Variants in OLFM3 observed in about 807,000 individuals in gnomAD.
The protein encoded by OLFM3 is noelin-3.
Under a neutral mutation model 48.6 loss-of-function variants are expected in OLFM3, and 20 were observed. That is an observed-to-expected ratio of 0.41 (90% CI 0.29 to 0.60). The LOEUF (loss-of-function observed/expected upper bound fraction) is 0.60, where lower values mean the gene tolerates loss of function less well. Among genes scored for constraint, OLFM3 ranks in the 20% least tolerant of loss-of-function variants. The pLI is 0.28. For synonymous variants in OLFM3, 222 were observed against 198.1 expected (o/e 1.12, Z -1.01); for missense variants, 437 against 544.3 (o/e 0.80, Z 1.96).
At chr1:101,948,603 C>T (rs1014391141) in intron 1 of OLFM3, among the ~76,000 whole-genome samples, 4 of 152,028 alleles carry the variant, frequency 2.6e-5, no homozygotes, top group South Asian at 2.1e-4. Flanking sequence ...TCAATGTTCA[C>T]ATTTCACTTT....
intron 1 of OLFM3, among the ~76,000 whole-genome samples, chr1:101,872,979 AG>A (rs1657144296): frequency 6.6e-6 from 1 of 151,996 alleles, no homozygotes; most frequent in African/African-American, 2.4e-5. Flanking sequence ...GACATTTAAA[AG>A]CGGACATCAG....
chr1:101,995,874 C>T (rs527354365), intron 1 of OLFM3, among the ~76,000 whole-genome samples: 18 of 152,270 alleles, frequency 1.2e-4, no homozygotes, highest in Non-Finnish European at 2.2e-4. Flanking sequence ...GGTGGCTTAT[C>T]TCTTATTCCC....
intron 1 of OLFM3, among the ~76,000 whole-genome samples, chr1:101,914,310 C>T (rs921468147): frequency 2.6e-5 from 4 of 152,118 alleles, no homozygotes; most frequent in Non-Finnish European, 5.9e-5. Context: ...TTTCTTAGGG[C>T]TTACCACATT....
intron 2 of OLFM3, among the ~76,000 whole-genome samples, chr1:101,833,224 C>T (rs1301158652): frequency 6.6e-6 from 1 of 152,188 alleles, no homozygotes; most frequent in Non-Finnish European, 1.5e-5. Context: ...CAGGAAAATG[C>T]ACTGAGATAA....
At chr1:101,810,523 C>A (rs1300487899) in intron 4 of OLFM3, among the ~76,000 whole-genome samples, 1 of 151,892 alleles carries the variant, frequency 6.6e-6, no homozygotes, top group Non-Finnish European at 1.5e-5. Flanking sequence ...GAAATAGCTG[C>A]AAAAATTTAG....
rs932549036 is a variant in OLFM3, at chr1:101,803,348, A to C, written c.*890T>G. 4 of 152,098 alleles carry C rather than the reference A, an allele frequency of 2.6e-5. No homozygotes were observed. Among genetic ancestry groups the C allele is most frequent in the African/African-American group, 9.7e-5 (4 of 41,396 alleles). 9.4% of individuals were successfully genotyped at this position (152,098 alleles called of 1,614,324 possible). ...AATCCAATATTTGGAATCCAGATGC[A>C]CCTTGTGCAAGAAACTATATGGGTT... On this transcript the variant is annotated 3_prime_UTR_variant, in exon 6 of 6. Coordinates refer to ENST00000370103, the MANE Select transcript of OLFM3 (RefSeq NM_058170.4).
At chr1:101,924,970 A>C (rs908701060) in intron 1 of OLFM3, among the ~76,000 whole-genome samples, 1 of 152,212 alleles carries the variant, frequency 6.6e-6, no homozygotes, top group Non-Finnish European at 1.5e-5. Context: ...TGTGGATCAC[A>C]GGGGAATGAA....
intron 1 of OLFM3, 55 bp downstream of exon 1, chr1:101,996,693 G>C: frequency 1.3e-6 from 2 of 1,557,898 alleles, no homozygotes; most frequent in Non-Finnish European, 1.8e-6. Context: ...ATTTCTGTTA[G>C]GTTTGTTACA....
At chr1:101,966,669 G>T (rs1359797619) in intron 1 of OLFM3, among the ~76,000 whole-genome samples, 1 of 152,132 alleles carries the variant, frequency 6.6e-6, no homozygotes, top group Admixed American at 6.6e-5. Context: ...CAATCAGTTA[G>T]AGCTAGGGAA....
intron 1 of OLFM3, among the ~76,000 whole-genome samples, chr1:101,925,989 A>T (rs189968582): frequency 6.6e-6 from 1 of 152,300 alleles, no homozygotes; most frequent in East Asian, 1.9e-4. Flanking sequence ...GAGAACTCTG[A>T]CATGAGTGTC....
intron 1 of OLFM3, among the ~76,000 whole-genome samples, chr1:101,917,652 A>T (rs1658969721): frequency 6.6e-6 from 1 of 152,158 alleles, no homozygotes; most frequent in South Asian, 2.1e-4. Flanking sequence ...CCTGACCTCA[A>T]GTGATCCACG....
intron 1 of OLFM3, among the ~76,000 whole-genome samples, chr1:101,961,494 TAA>T (rs1660467641): frequency 4.6e-5 from 7 of 152,022 alleles, no homozygotes; most frequent in Admixed American, 4.6e-4. Context: ...TAAAAATATT[TAA>T]GTCTAGTAAA....
At chr1:101,914,483 A>C (rs895863350) in intron 1 of OLFM3, among the ~76,000 whole-genome samples, 1 of 152,178 alleles carries the variant, frequency 6.6e-6, no homozygotes, top group Non-Finnish European at 1.5e-5. Context: ...CTGAGTCCCA[A>C]ATTCAGAGCT....
At chr1:101,947,260 G>C (rs960339418) in intron 1 of OLFM3, among the ~76,000 whole-genome samples, 1 of 152,122 alleles carries the variant, frequency 6.6e-6, no homozygotes, top group Non-Finnish European at 1.5e-5. Flanking sequence ...TTCACTCTAT[G>C]ATTTGAATTT....
intron 1 of OLFM3, among the ~76,000 whole-genome samples, chr1:101,889,726 A>G (rs1453568143): frequency 1.3e-5 from 2 of 152,128 alleles, no homozygotes; most frequent in Admixed American, 6.6e-5. Flanking sequence ...CATAGATAAC[A>G]TATATAAAAA....
rs143989644 is a variant in OLFM3, at chr1:101,867,474, C to A, written c.70-30449G>T. Among the ~76,000 whole-genome samples the A allele has an allele frequency of 7.2e-5, 11 of 152,260 alleles. No individual in the cohort carries two copies. In the South Asian group the frequency reaches 1.2e-3, roughly 17 times the overall value. ...ACAATGTTTATAAAGTCAATCTAGA[C>A]TAGAATACTATTCCAAAGTCAATCT... On this transcript the variant is annotated intron_variant, in intron 1 of 5. Transcript: ENST00000370103.
At chr1:101,964,316 A>G (rs942496716) in intron 1 of OLFM3, among the ~76,000 whole-genome samples, 1 of 152,172 alleles carries the variant, frequency 6.6e-6, no homozygotes, top group Non-Finnish European at 1.5e-5. Flanking sequence ...GCAAGAAATG[A>G]GATTAGAAAA....
chr1:101,901,190 G>A (rs1016452326), intron 1 of OLFM3, among the ~76,000 whole-genome samples: 1 of 152,098 alleles, frequency 6.6e-6, no homozygotes, highest in African/African-American at 2.4e-5. Context: ...ATTCTAAGAA[G>A]TTTACATTGT....
intron 1 of OLFM3, 67 bp from the exon 2 acceptor site, chr1:101,837,092 T>C (rs999743916): frequency 4.7e-5 from 70 of 1,474,592 alleles, no homozygotes; most frequent in Non-Finnish European, 6.2e-5. Context: ...TGTTGGTTTG[T>C]AGCATTTCAA....
Sources: gnomAD v4.1 joint callset for allele counts (sites outside exome capture counted in the v4.1 genomes callset) on GRCh38, gnomAD v4.1.1 for gene constraint, MANE v1.5 for transcripts, NCBI Gene and HGNC (gene_info 2026-07-23, HGNC 2026-07-21) for gene names.